The following TTC7B variants were observed in gnomAD, a reference collection of about 807,000 sequenced individuals.
TTC7B encodes the protein tetratricopeptide repeat domain 7B.
In TTC7B, 28 loss-of-function variants were observed where a neutral mutation model predicts 106.8. The observed-to-expected ratio is 0.26, with a 90% CI of 0.19 to 0.36. The LOEUF is 0.36. Ranked by LOEUF, TTC7B falls within the 10% of genes least tolerant of loss-of-function variation. The probability of loss-of-function intolerance (pLI) is 1.00; values close to 1 mark genes in which losing one functional copy is unlikely to be tolerated. For synonymous variants in TTC7B, 405 were observed against 430.6 expected (o/e 0.94, Z 0.74); for missense variants, 862 against 1,076.4 (o/e 0.80, Z 2.79).
Position 90,683,145 on chromosome 14 carries a change from T to C in TTC7B, c.951-2610A>G, listed in dbSNP as rs574628182. Among the ~76,000 whole-genome samples, 6 of 152,346 alleles carry C rather than the reference T, an allele frequency of 3.9e-5. No homozygotes were observed. The South Asian group carries it at 1.2e-3, about 32-fold the overall frequency. On this transcript the variant is annotated intron_variant, in intron 7 of 19. Coordinates refer to ENST00000328459, the MANE Select transcript of TTC7B (RefSeq NM_001010854.2). ...TCTTCTGTCATCGTTAGCCATTATA[T>C]AACTAATGACAAGTTGAGGTCTAAA... is the stretch of plus-strand genomic sequence containing the variant.
intron 19 of TTC7B, among the ~76,000 whole-genome samples, chr14:90,549,669 G>A (rs1237611914): frequency 6.6e-6 from 1 of 152,146 alleles, no homozygotes; most frequent in Non-Finnish European, 1.5e-5. Context: ...GGTTGGGGGT[G>A]TGAGTCCTAG....
chr14:90,581,643 G>A (rs7160680), intron 18 of TTC7B, among the ~76,000 whole-genome samples: 4,590 of 152,264 alleles, frequency 0.03, 210 homozygotes, highest in African/African-American at 0.1. Flanking sequence ...TGGTGAGGCC[G>A]CCCAGCCTCT....
intron 7 of TTC7B, among the ~76,000 whole-genome samples, chr14:90,683,179 G>T (rs1023701087): frequency 1.3e-5 from 2 of 152,086 alleles, no homozygotes; most frequent in African/African-American, 4.8e-5. Context: ...AAGGTCACCG[G>T]CATCCCCTAA....
chr14:90,681,600 G>A lies in TTC7B; in HGVS notation c.951-1065C>T, dbSNP rs147447837. On this transcript the variant is annotated intron_variant, in intron 7 of 19. Coordinates refer to ENST00000328459, the MANE Select transcript of TTC7B (RefSeq NM_001010854.2). ...AAGAGCAAGACAGGAGGAATGCAGC[G>A]CCTGGTATTCTCGTTACAATGCTGA... is the stretch of plus-strand genomic sequence containing the variant. Among the ~76,000 whole-genome samples the A allele has an allele frequency of 4.2e-3, 632 of 152,262 alleles. 4 individuals are homozygous for A. Among genetic ancestry groups the A allele is most frequent in the African/African-American group, 0.015 (609 of 41,548 alleles).
intron 15 of TTC7B, among the ~76,000 whole-genome samples, chr14:90,642,014 AATT>A: frequency 6.6e-6 from 1 of 152,154 alleles, no homozygotes; most frequent in Admixed American, 6.6e-5. Flanking sequence ...AGAGACACTG[AATT>A]CAATTGCATC....
At chr14:90,814,469 G>C (rs139446726) in intron 1 of TTC7B, among the ~76,000 whole-genome samples, 5 of 152,338 alleles carry the variant, frequency 3.3e-5, no homozygotes, top group Non-Finnish European at 5.9e-5. Flanking sequence ...AAGGGCAGGG[G>C]CTTGGTCAGT....
intron 16 of TTC7B, among the ~76,000 whole-genome samples, chr14:90,615,205 G>A (rs557364236): frequency 6.6e-6 from 1 of 152,148 alleles, no homozygotes; most frequent in South Asian, 2.1e-4. Context: ...AGCAAAAATC[G>A]AGAAGAGGGA....
At chr14:90,774,126 T>A (rs1247897805) in intron 3 of TTC7B, among the ~76,000 whole-genome samples, 1 of 152,030 alleles carries the variant, frequency 6.6e-6, no homozygotes, top group Admixed American at 6.5e-5. Flanking sequence ...GGATCAAGGA[T>A]GAGAATGTGA....
At chr14:90,815,856 C>A (rs1328030315) in intron 1 of TTC7B, among the ~76,000 whole-genome samples, 6 of 151,846 alleles carry the variant, frequency 4.0e-5, no homozygotes, top group African/African-American at 1.5e-4. Context: ...AGGCCGGCCC[C>A]TGACCTCCTG....
In TTC7B at chr14:90,572,497, C is replaced by T. The variant is rs116555432; in HGVS notation, c.2310+5609G>A. 2.4e-3 allele frequency among the ~76,000 whole-genome samples: 367 copies of T among 152,338 alleles called. 3 individuals carry two copies. The highest frequency in any genetic ancestry group is 7.9e-3 in the African/African-American group (329 of 41,576). Reference sequence around the variant, plus strand: ...TTTCAAACAGCTCGGCCAATCTCTGCAAGTCTTCTGCTACTAATGTAGTCC... The same window carrying T: ...TTTCAAACAGCTCGGCCAATCTCTGTAAGTCTTCTGCTACTAATGTAGTCC... On this transcript the variant is annotated intron_variant, in intron 19 of 19. Coordinates refer to ENST00000328459, the MANE Select transcript of TTC7B (RefSeq NM_001010854.2).
intron 5 of TTC7B, among the ~76,000 whole-genome samples, chr14:90,710,497 GA>G (rs1163226003): frequency 1.3e-5 from 2 of 152,190 alleles, no homozygotes; most frequent in African/African-American, 4.8e-5. Flanking sequence ...TTCCAATTTT[GA>G]AAAAGTTCTA....
chr14:90,687,461 C>T (rs535988667), intron 7 of TTC7B, among the ~76,000 whole-genome samples: 1 of 152,250 alleles, frequency 6.6e-6, no homozygotes, highest in African/African-American at 2.4e-5. Flanking sequence ...TGAGGCCATA[C>T]TGGATGGCAC....
At chr14:90,776,320 C>T (rs1891028818) in intron 3 of TTC7B, among the ~76,000 whole-genome samples, 1 of 152,096 alleles carries the variant, frequency 6.6e-6, no homozygotes, top group Non-Finnish European at 1.5e-5. Flanking sequence ...CAGCAGCTTC[C>T]CAACTAGTTC....
chr14:90,598,051 C>A (rs974718031), intron 17 of TTC7B, among the ~76,000 whole-genome samples: 1 of 152,246 alleles, frequency 6.6e-6, no homozygotes, highest in Non-Finnish European at 1.5e-5. Context: ...TCATCTGCCA[C>A]CCAGCTTCAA....
intron 5 of TTC7B, among the ~76,000 whole-genome samples, chr14:90,706,347 T>C (rs1172274608): frequency 6.6e-6 from 1 of 151,890 alleles, no homozygotes; most frequent in African/African-American, 2.4e-5. Flanking sequence ...GTATTTTTAG[T>C]AGAGATGGGG....
At chr14:90,701,969 C>CT (rs1336395399) in intron 5 of TTC7B, among the ~76,000 whole-genome samples, 1 of 152,174 alleles carries the variant, frequency 6.6e-6, no homozygotes, top group African/African-American at 2.4e-5. Context: ...TCCAAACACA[C>CT]TTGGACTCCT....
Position 90,657,248 on chromosome 14 carries a change from A to G in TTC7B, c.1267T>C (p.Cys423Arg). The change falls in exon 11 of 20, where the codon TGT becomes CGT. Residue 423 changes from cysteine to arginine, a missense_variant. Cys to Arg is a radical substitution (Grantham distance 180). Coordinates refer to ENST00000328459, the MANE Select transcript of TTC7B (RefSeq NM_001010854.2). This position sits in a 1 kb window ranked among gnomAD's most constrained non-coding sequence, Gnocchi z 4.2. The stretch of plus-strand genomic sequence containing the variant: ...GCATCGTCTGGCTTCAGGCGGATAC[A>G]CTCTTTCAGCACCTTCACGGCACGG... The part of the protein sequence containing the change: ...SARAVKVLKE[C>R]IRLKPDDATI... 6.2e-7 allele frequency: 1 copy of G among 1,613,938 alleles called. No homozygotes were observed. The highest frequency in any genetic ancestry group is 8.5e-7 in the Non-Finnish European group (1 of 1,179,996).
intron 14 of TTC7B, among the ~76,000 whole-genome samples, chr14:90,645,864 C>G (rs1167827899): frequency 6.6e-6 from 1 of 152,160 alleles, no homozygotes; most frequent in Non-Finnish European, 1.5e-5. Context: ...CAATGATGGG[C>G]ATGGGTTCCT....
At chr14:90,780,524 C>T (rs1891183645) in intron 3 of TTC7B, among the ~76,000 whole-genome samples, 1 of 146,360 alleles carries the variant, frequency 6.8e-6, no homozygotes, top group Non-Finnish European at 1.5e-5. Context: ...TTTCCTTCAT[C>T]CCCTTCAGTG....
Sources: allele counts gnomAD v4.1 joint callset (sites outside exome capture counted in the v4.1 genomes callset), GRCh38; gene constraint gnomAD v4.1.1; non-coding constraint Gnocchi (gnomAD v3.1); transcripts MANE v1.5; gene names NCBI Gene and HGNC (gene_info 2026-07-23, HGNC 2026-07-21).